Variants in B9D1 observed in about 807,000 individuals in gnomAD.
B9D1 encodes B9 domain-containing protein 1.
A neutral mutation model predicts 26.1 loss-of-function variants in B9D1; 20 were observed. That is an observed-to-expected ratio of 0.77 (90% confidence interval 0.54 to 1.12). B9D1 has a LOEUF of 1.12. Among genes scored for constraint, B9D1 ranks in the 50% most tolerant of loss-of-function variants. The pLI, the probability that B9D1 is intolerant of heterozygous loss-of-function variation, is 0.00. For synonymous variants in B9D1, 105 were observed against 103.1 expected (o/e 1.02, Z -0.11); for missense variants, 260 against 273.7 (o/e 0.95, Z 0.35).
downstream of B9D1, chr17:19,335,576 T>G: frequency 5.4e-4 from 499 of 927,234 alleles, no homozygotes; most frequent in East Asian, 2.6e-3. Context: ...GGTGCTTCTG[T>G]GCCCACGGGT....
intron 3 of B9D1, among the ~76,000 whole-genome samples, chr17:19,353,460 A>G (rs1033604647): frequency 1.3e-5 from 2 of 150,582 alleles, no homozygotes; most frequent in Admixed American, 6.6e-5. Context: ...AACATGGTGA[A>G]ACCCCATCTC....
At chr17:19,374,415 C>T (rs768435658) in intron 1 of B9D1, among the ~76,000 whole-genome samples, 4 of 152,174 alleles carry the variant, frequency 2.6e-5, no homozygotes, top group Admixed American at 1.3e-4. Context: ...TAAAAAGCAC[C>T]GTGTGAGTCA....
At chr17:19,374,653 G>C (rs1014192874) in intron 1 of B9D1, among the ~76,000 whole-genome samples, 12 of 152,226 alleles carry the variant, frequency 7.9e-5, no homozygotes, top group Admixed American at 1.3e-4. Flanking sequence ...GTCTATCTAG[G>C]GGGTCTTGGT....
Position 19,357,707 on chromosome 17 carries a change from G to A in B9D1, c.244+133C>T, listed in dbSNP as rs145199041. The A allele has an allele frequency of 9.8e-3, 7,265 of 739,894 alleles. 58 individuals carry two copies. The highest frequency in any genetic ancestry group is 0.014 in the Non-Finnish European group (5,569 of 404,132). The allele number at this position is 739,894 out of a possible 1,614,324, so 45.8% of individuals were successfully genotyped here. A position where few individuals can be genotyped will look rare whatever the true frequency, so the allele number is the denominator to read the frequency against. On this transcript the variant is annotated intron_variant, in intron 3 of 6. Transcript: ENST00000261499. ...AAAGGGACAGATGGCGAGAGAGAAC[G>A]TTGAGGGCTGCTTCAAGAGCCCAGG...
At chr17:19,348,557 G>C (rs1432852656) in intron 3 of B9D1, among the ~76,000 whole-genome samples, 1 of 152,162 alleles carries the variant, frequency 6.6e-6, no homozygotes, top group African/African-American at 2.4e-5. Flanking sequence ...TAAAACACAT[G>C]AAATAGTACC....
At chr17:19,375,634 C>T (rs62065895) in intron 1 of B9D1, among the ~76,000 whole-genome samples, 8,476 of 152,070 alleles carry the variant, frequency 0.056, 294 homozygotes, top group East Asian at 0.11. Context: ...CCCAACTACT[C>T]GGGAAGCTGA....
At chr17:19,349,528 G>C (rs2152264787) in intron 3 of B9D1, among the ~76,000 whole-genome samples, 1 of 151,938 alleles carries the variant, frequency 6.6e-6, no homozygotes, top group Non-Finnish European at 1.5e-5. Flanking sequence ...TGGGACTATA[G>C]GCGTGTGCTG....
At chr17:19,340,570 C>T (rs943298488), downstream of B9D1, among the ~76,000 whole-genome samples, 12 of 150,704 alleles carry the variant, frequency 8.0e-5, no homozygotes, top group Non-Finnish European at 1.2e-4. Flanking sequence ...ACCTGCGGTC[C>T]GGAGTGCAAG....
intron 5 of B9D1, 85 bp from the exon 6 acceptor site, chr17:19,343,942 G>A (rs1908344387): frequency 6.3e-7 from 1 of 1,589,948 alleles, no homozygotes; most frequent in Non-Finnish European, 8.5e-7. Context: ...GCTCTCCTCG[G>A]TTCAGAAACC....
At chr17:19,338,808 T>C (rs117156264), downstream of B9D1, among the ~76,000 whole-genome samples, 2 of 152,358 alleles carry the variant, frequency 1.3e-5, no homozygotes, top group East Asian at 3.8e-4. Context: ...GTCAGCTCAG[T>C]GGAATAGCTC....
chr17:19,338,954 C>T (rs1476348651), downstream of B9D1, among the ~76,000 whole-genome samples: 2 of 152,214 alleles, frequency 1.3e-5, no homozygotes, highest in African/African-American at 4.8e-5. Flanking sequence ...CTCAAGCACA[C>T]ACATAAAATT....
downstream of B9D1, chr17:19,335,555 G>A (rs963555108): frequency 2.7e-5 from 38 of 1,396,860 alleles, no homozygotes; most frequent in Admixed American, 2.2e-4. Context: ...TCCCGAGGGC[G>A]TGGGGTGGGG....
At chr17:19,344,593 G>A (rs1398107053) in intron 5 of B9D1, 4 of 216,052 alleles carry the variant, frequency 1.9e-5, no homozygotes, top group Admixed American at 6.3e-5. Flanking sequence ...TCGCCCCGCC[G>A]GGACTCGCGG....
downstream of B9D1, among the ~76,000 whole-genome samples, chr17:19,338,087 GAA>G (rs1907603484): frequency 6.6e-6 from 1 of 152,224 alleles, no homozygotes; most frequent in Non-Finnish European, 1.5e-5. Flanking sequence ...CTATAAACTA[GAA>G]AGACCTATGA....
intron 5 of B9D1, chr17:19,344,545 C>A: frequency 3.9e-6 from 1 of 257,652 alleles, no homozygotes. Context: ...CAACCAGGAG[C>A]ACTATTCCCG....
At chr17:19,353,700 G>A (rs1258361860) in intron 3 of B9D1, among the ~76,000 whole-genome samples, 1 of 151,976 alleles carries the variant, frequency 6.6e-6, no homozygotes, top group Non-Finnish European at 1.5e-5. Context: ...CAGCCCTTTG[G>A]GAGGCCGAGG....
chr17:19,350,484 A>T (rs1909455206), intron 3 of B9D1, among the ~76,000 whole-genome samples: 1 of 152,052 alleles, frequency 6.6e-6, no homozygotes, highest in Admixed American at 6.5e-5. Flanking sequence ...CAGAGGTTGC[A>T]GTGAGCTGAG....
upstream of B9D1, chr17:19,362,745 C>G: frequency 7.1e-7 from 1 of 1,402,130 alleles, no homozygotes; most frequent in Non-Finnish European, 9.4e-7. Context: ...GAACGGGCGC[C>G]GTTATAAGGG....
downstream of B9D1, among the ~76,000 whole-genome samples, chr17:19,342,107 C>T (rs997868648): frequency 8.5e-5 from 13 of 152,180 alleles, no homozygotes; most frequent in South Asian, 1.7e-3. Flanking sequence ...GGCAAGGACA[C>T]ACCCCTGCTC....
Sources: allele counts gnomAD v4.1 joint callset (sites outside exome capture counted in the v4.1 genomes callset), GRCh38; gene constraint gnomAD v4.1.1; transcripts MANE v1.5; gene names NCBI Gene and HGNC (gene_info 2026-07-23, HGNC 2026-07-21).